Variants in PEX14 observed in about 807,000 individuals in gnomAD.
PEX14 encodes peroxisomal biogenesis factor 14, also known as peroxisomal membrane protein PEX14.
In PEX14, 15 loss-of-function variants were observed where a neutral mutation model predicts 49.5. The ratio of observed to expected loss-of-function variants is 0.30; its 90% confidence interval spans 0.20 to 0.47. The LOEUF is 0.47. Among genes scored for constraint, PEX14 ranks in the 20% least tolerant of loss-of-function variants. PEX14 has a pLI of 1.00. For synonymous variants in PEX14, 210 were observed against 212.7 expected (o/e 0.99, Z 0.11); for missense variants, 398 against 494.8 (o/e 0.80, Z 1.86).
chr1:10,558,292 G>A (rs765916618), intron 3 of PEX14, among the ~76,000 whole-genome samples: 2 of 152,084 alleles, frequency 1.3e-5, no homozygotes, highest in Non-Finnish European at 2.9e-5. Context: ...ACACGTGTGA[G>A]CCACCGTGCC....
intron 3 of PEX14, among the ~76,000 whole-genome samples, chr1:10,566,744 C>T (rs540116853): frequency 2.6e-5 from 4 of 151,962 alleles, no homozygotes; most frequent in South Asian, 2.1e-4. Flanking sequence ...CTCAAACTCC[C>T]GACCTCAGGT....
chr1:10,541,765 G>A (rs1233538873), intron 3 of PEX14, among the ~76,000 whole-genome samples: 1 of 152,040 alleles, frequency 6.6e-6, no homozygotes, highest in Non-Finnish European at 1.5e-5. Context: ...GATTTTTCTC[G>A]GCATCCAGGA....
At chr1:10,499,140 A>G (rs1246199834) in intron 2 of PEX14, among the ~76,000 whole-genome samples, 6 of 152,224 alleles carry the variant, frequency 3.9e-5, no homozygotes, top group East Asian at 1.9e-4. Flanking sequence ...TGAGCTTTCC[A>G]TTTAGTCATA....
At position 10,630,725 on chromosome 1, in the gene PEX14, A is replaced by G. The variant is rs1411237865; in HGVS notation, c.*738A>G. On this transcript the variant is annotated 3_prime_UTR_variant, in exon 9 of 9. Transcript: ENST00000356607. This position sits in a 1 kb window ranked among gnomAD's most constrained non-coding sequence, Gnocchi z 4.1. Reference sequence around the variant, plus strand: ...CTCAGAACGGAAGATAGGACTGTATATAATTGTAATAAATACCAGTTGCCA... The same window carrying G: ...CTCAGAACGGAAGATAGGACTGTATGTAATTGTAATAAATACCAGTTGCCA... 1 of 152,058 alleles carries G rather than the reference A, an allele frequency of 6.6e-6. No homozygotes were observed. Among genetic ancestry groups the G allele is most frequent in the African/African-American group, 2.4e-5 (1 of 41,398 alleles). The allele number at this position is 152,058 out of a possible 1,614,324, so 9.4% of individuals were successfully genotyped here.
Position 10,630,305 on chromosome 1 carries a change from G to T in PEX14, c.*318G>T, listed in dbSNP as rs771775676. ...CCCCAGCCCCCTCTCCCGGACAGAC[G>T]CCTTGCCCAGGGTGTGTTTGCTGAG... On this transcript the variant is annotated 3_prime_UTR_variant, in exon 9 of 9. Transcript: ENST00000356607. This position sits in a 1 kb window ranked among gnomAD's most constrained non-coding sequence, Gnocchi z 4.1. 1.1e-5 allele frequency: 5 copies of T among 464,944 alleles called. No individual in the cohort carries two copies. In the East Asian group the frequency reaches 1.8e-4, roughly 17 times the overall value. 28.8% of individuals were successfully genotyped at this position (464,944 alleles called of 1,614,324 possible).
intron 5 of PEX14, among the ~76,000 whole-genome samples, chr1:10,618,724 G>A (rs889784931): frequency 5.7e-4 from 87 of 152,216 alleles, no homozygotes; most frequent in African/African-American, 1.9e-3. Context: ...AGTAGTGCCC[G>A]CACGGGGAAG....
chr1:10,530,195 CA>C (rs796090436), intron 2 of PEX14, among the ~76,000 whole-genome samples: 72 of 151,604 alleles, frequency 4.7e-4, no homozygotes, highest in African/African-American at 1.6e-3. Flanking sequence ...GGAAAGAGTA[CA>C]AAAAAAATTC....
At chr1:10,508,580 C>T (rs544322630) in intron 2 of PEX14, among the ~76,000 whole-genome samples, 1 of 152,172 alleles carries the variant, frequency 6.6e-6, no homozygotes, top group African/African-American at 2.4e-5. Flanking sequence ...TCCCTCCCCC[C>T]CAGAAGTGCA....
intron 1 of PEX14, among the ~76,000 whole-genome samples, chr1:10,485,132 G>A (rs1641345477): frequency 6.6e-6 from 1 of 151,610 alleles, no homozygotes; most frequent in Admixed American, 6.6e-5. Context: ...ATTTGTGTAT[G>A]TGTAAGTGTT....
intron 2 of PEX14, among the ~76,000 whole-genome samples, chr1:10,515,697 A>G (rs542578199): frequency 6.6e-6 from 1 of 152,324 alleles, no homozygotes; most frequent in Non-Finnish European, 1.5e-5. Flanking sequence ...GTCTTGGTTG[A>G]AAAACCAAAC....
intron 3 of PEX14, among the ~76,000 whole-genome samples, chr1:10,546,563 C>CAAA (rs35214823): frequency 3.8e-4 from 18 of 47,752 alleles, no homozygotes; most frequent in African/African-American, 1.3e-3. Flanking sequence ...GACTCTGTTT[C>CAAA]AAAAAAAAAA....
intron 3 of PEX14, among the ~76,000 whole-genome samples, chr1:10,545,741 T>C (rs1639149966): frequency 6.6e-6 from 1 of 152,206 alleles, no homozygotes; most frequent in Admixed American, 6.5e-5. Context: ...AAAAAATTCT[T>C]GTAAGAATTA....
intron 2 of PEX14, among the ~76,000 whole-genome samples, chr1:10,504,868 C>A (rs1278431051): frequency 6.6e-6 from 1 of 151,230 alleles, no homozygotes; most frequent in Admixed American, 6.6e-5. Context: ...CTCACTGCAA[C>A]CTCCGCCTCC....
chr1:10,624,991 T>G (rs1158997786), intron 7 of PEX14, among the ~76,000 whole-genome samples: 1 of 152,192 alleles, frequency 6.6e-6, no homozygotes, highest in African/African-American at 2.4e-5. Flanking sequence ...TGCCCAAATG[T>G]GAAGAAATCT....
chr1:10,540,374 T>A (rs896188727), intron 3 of PEX14, among the ~76,000 whole-genome samples: 6 of 152,232 alleles, frequency 3.9e-5, no homozygotes, highest in African/African-American at 1.4e-4. Context: ...TGTCCTTGAA[T>A]GGAATCTCGT....
intron 3 of PEX14, among the ~76,000 whole-genome samples, chr1:10,538,521 C>T (rs527792715): frequency 4.6e-5 from 7 of 152,334 alleles, no homozygotes; most frequent in Non-Finnish European, 8.8e-5. Context: ...TATCCATTTC[C>T]GAGTTGAATC....
intron 2 of PEX14, among the ~76,000 whole-genome samples, chr1:10,500,682 C>T (rs1298226673): frequency 6.6e-6 from 1 of 152,150 alleles, no homozygotes; most frequent in Non-Finnish European, 1.5e-5. Context: ...TCAAGTGACT[C>T]TCTTGCCTTA....
intron 3 of PEX14, among the ~76,000 whole-genome samples, chr1:10,543,562 A>G (rs1330914299): frequency 6.6e-6 from 1 of 152,164 alleles, no homozygotes; most frequent in East Asian, 1.9e-4. Context: ...CGTGTGAGGA[A>G]AAAGAAGGGA....
At chr1:10,590,326 G>A (rs1183471310) in intron 3 of PEX14, among the ~76,000 whole-genome samples, 7 of 152,192 alleles carry the variant, frequency 4.6e-5, no homozygotes, top group Admixed American at 2.6e-4. Context: ...GAACTAAAAT[G>A]CTCTGCTACA....
Sources: allele counts gnomAD v4.1 joint callset (sites outside exome capture counted in the v4.1 genomes callset), GRCh38; gene constraint gnomAD v4.1.1; non-coding constraint Gnocchi (gnomAD v3.1); transcripts MANE v1.5; gene names NCBI Gene and HGNC (gene_info 2026-07-23, HGNC 2026-07-21).